The following PPP1R9A variants were observed in gnomAD, a reference collection of about 807,000 sequenced individuals.
PPP1R9A encodes neurabin-1.
A neutral mutation model predicts 141.9 loss-of-function variants in PPP1R9A; 59 were observed. The observed-to-expected ratio is 0.42, with a 90% CI of 0.34 to 0.52. The LOEUF (loss-of-function observed/expected upper bound fraction) is 0.52. Ranked by LOEUF, PPP1R9A falls within the 20% of genes least tolerant of loss-of-function variation. PPP1R9A has a pLI of 0.10. For missense variants in PPP1R9A, 1,444 were observed against 1,611.9 expected, an observed-to-expected ratio of 0.90 and a Z score of 1.78; for synonymous variants, 500 against 569.7, an observed-to-expected ratio of 0.88 and a Z score of 1.74.
At chr7:95,134,222 A>G (rs1314786311) in intron 4 of PPP1R9A, among the ~76,000 whole-genome samples, 2 of 152,204 alleles carry the variant, frequency 1.3e-5, no homozygotes, top group African/African-American at 4.8e-5. Flanking sequence ...ACAGGAACAG[A>G]AAACCAAACA....
chr7:94,922,863 C>T (rs1452496964), intron 2 of PPP1R9A, among the ~76,000 whole-genome samples: 2 of 152,036 alleles, frequency 1.3e-5, no homozygotes, highest in African/African-American at 4.8e-5. Flanking sequence ...AGTGGTGGGA[C>T]ACAATTGGAA....
At chr7:95,021,702 C>G (rs1318728339) in intron 2 of PPP1R9A, among the ~76,000 whole-genome samples, 1 of 152,104 alleles carries the variant, frequency 6.6e-6, no homozygotes, top group Admixed American at 6.5e-5. Flanking sequence ...AGCCAGTTTT[C>G]CCAACACCAT....
chr7:95,263,372 G>A (rs935156358), intron 12 of PPP1R9A, among the ~76,000 whole-genome samples: 1 of 152,052 alleles, frequency 6.6e-6, no homozygotes, highest in Non-Finnish European at 1.5e-5. Flanking sequence ...TACCTTCTTT[G>A]TAAGTAAGCA....
chr7:95,165,317 G>A (rs1258212693), intron 5 of PPP1R9A, among the ~76,000 whole-genome samples: 2 of 152,252 alleles, frequency 1.3e-5, no homozygotes, highest in East Asian at 3.9e-4. Flanking sequence ...CTGCTCTTTT[G>A]GATCACCAGT....
chr7:95,181,682 TC>T (rs1369817229), intron 5 of PPP1R9A, among the ~76,000 whole-genome samples: 1 of 131,976 alleles, frequency 7.6e-6, no homozygotes, highest in African/African-American at 2.9e-5. Flanking sequence ...ATATATATAT[TC>T]CGTCACATAT....
chr7:95,072,328 A>C (rs1353251458), intron 2 of PPP1R9A, among the ~76,000 whole-genome samples: 1 of 144,468 alleles, frequency 6.9e-6, no homozygotes, highest in African/African-American at 2.5e-5. Flanking sequence ...AATATATATT[A>C]TATATAATAA....
chr7:95,036,961 G>C (rs1327276622), intron 2 of PPP1R9A: 1 of 152,168 alleles, frequency 6.6e-6, no homozygotes, highest in Non-Finnish European at 1.5e-5. Context: ...GTGAAAACAT[G>C]CTGCTGTCGT....
intron 8 of PPP1R9A, among the ~76,000 whole-genome samples, chr7:95,226,560 C>T (rs1296083190): frequency 6.6e-6 from 1 of 152,116 alleles, no homozygotes; most frequent in Non-Finnish European, 1.5e-5. Flanking sequence ...AGACTTTGAA[C>T]AGAGTTAATA....
At chr7:95,050,065 G>C (rs1394520425) in intron 2 of PPP1R9A, among the ~76,000 whole-genome samples, 1 of 152,064 alleles carries the variant, frequency 6.6e-6, no homozygotes. Context: ...ATTTAGTTTT[G>C]TACAAAATTG....
chr7:95,253,531 C>T (rs1206107061), intron 12 of PPP1R9A, among the ~76,000 whole-genome samples: 1 of 149,210 alleles, frequency 6.7e-6, no homozygotes, highest in African/African-American at 2.5e-5. Context: ...GCCTCTTAGG[C>T]AGCTGAAAGA....
intron 2 of PPP1R9A, among the ~76,000 whole-genome samples, chr7:95,020,432 A>G (rs1490017144): frequency 6.6e-6 from 1 of 152,172 alleles, no homozygotes; most frequent in Non-Finnish European, 1.5e-5. Context: ...ACTTTATCAT[A>G]GAAAAGAGCT....
At chr7:94,982,227 A>T (rs184263653) in intron 2 of PPP1R9A, among the ~76,000 whole-genome samples, 1,884 of 152,236 alleles carry the variant, frequency 0.012, 14 homozygotes, top group Non-Finnish European at 0.021. Context: ...TCTATCATTG[A>T]TGGACATTTG....
At chr7:95,027,926 T>A (rs1203723365) in intron 2 of PPP1R9A, among the ~76,000 whole-genome samples, 1 of 152,194 alleles carries the variant, frequency 6.6e-6, no homozygotes, top group Non-Finnish European at 1.5e-5. Context: ...GTGACTGTAT[T>A]TGATTTATGT....
chr7:95,100,344 C>T (rs1374729280), intron 2 of PPP1R9A, among the ~76,000 whole-genome samples: 2 of 152,120 alleles, frequency 1.3e-5, no homozygotes, highest in African/African-American at 4.8e-5. Context: ...TACAAAAATA[C>T]ATACTTGATT....
Position 95,153,141 on chromosome 7 carries a change from C to T in PPP1R9A, c.1650-8726C>T, listed in dbSNP as rs115926843. Among the ~76,000 whole-genome samples, 1,176 of 152,208 alleles carry T rather than the reference C, an allele frequency of 7.7e-3. 28 individuals are homozygous for T. The highest frequency in any genetic ancestry group is 0.041 in the Admixed American group (629 of 15,290). ...CTGGGATTACACGCATGAGCCACTG[C>T]GCGCCCAGCCTCACATACATTATAT... is the stretch of plus-strand genomic sequence containing the variant. On this transcript the variant is annotated intron_variant, in intron 4 of 19. Coordinates refer to ENST00000433360, the MANE Select transcript of PPP1R9A (RefSeq NM_001166160.2).
In PPP1R9A at chr7:95,002,029, C is replaced by T. The variant is rs1473633853; in HGVS notation, c.1395+90521C>T. 2.0e-5 allele frequency among the ~76,000 whole-genome samples: 3 copies of T among 152,132 alleles called. 1 individual carries two copies. The highest frequency in any genetic ancestry group is 2.0e-4 in the Admixed American group (3 of 15,270). On this transcript the variant is annotated intron_variant, in intron 2 of 19. Coordinates refer to ENST00000433360, the MANE Select transcript of PPP1R9A (RefSeq NM_001166160.2). ...AATTTTGTAATAAGTGCTCTCTCTG[C>T]AGCAATTAAAAAGTGGCGTCATCTA...
intron 2 of PPP1R9A, among the ~76,000 whole-genome samples, chr7:94,969,821 C>G (rs1584444990): frequency 4.6e-5 from 7 of 152,140 alleles, no homozygotes; most frequent in Admixed American, 4.6e-4. Flanking sequence ...GGGGCTGCTG[C>G]CTTTCTTTTG....
intron 2 of PPP1R9A, among the ~76,000 whole-genome samples, chr7:95,006,986 C>G (rs1803706894): frequency 6.6e-6 from 1 of 152,120 alleles, no homozygotes; most frequent in South Asian, 2.1e-4. Context: ...CCTCAGCCTC[C>G]TAAGTAGCTA....
chr7:95,282,745 A>G (rs893560082), intron 16 of PPP1R9A, among the ~76,000 whole-genome samples: 2 of 152,130 alleles, frequency 1.3e-5, no homozygotes, highest in Non-Finnish European at 2.9e-5. Context: ...TCAATATTTT[A>G]TCAGAACCTC....
Sources: gnomAD v4.1 joint callset for allele counts (sites outside exome capture counted in the v4.1 genomes callset) on GRCh38, gnomAD v4.1.1 for gene constraint, MANE v1.5 for transcripts, NCBI Gene and HGNC (gene_info 2026-07-23, HGNC 2026-07-21) for gene names.